The following ZNF804A variants were observed in gnomAD, a reference collection of about 807,000 sequenced individuals.
ZNF804A encodes zinc finger protein 804A.
Under a neutral mutation model 16.5 loss-of-function variants are expected in ZNF804A, and 2 were observed. That is an observed-to-expected ratio of 0.12 (90% CI 0.05 to 0.38). The LOEUF is 0.38. Ranked by LOEUF, ZNF804A falls within the 10% of genes least tolerant of loss-of-function variation. The pLI, the probability that ZNF804A is intolerant of heterozygous loss-of-function variation, is 0.99. For missense variants in ZNF804A, 1,473 were observed against 1,390.7 expected (o/e 1.06, Z -0.94); for synonymous variants, 534 against 489.6 (o/e 1.09, Z -1.20).
Position 184,753,992 on chromosome 2 carries a change from C to A in ZNF804A, c.112-112377C>A, listed in dbSNP as rs371213181. ...CATGGAGAAAACACATTTTATCTGT[C>A]TATATACCCATTCATCTTTCTCACT... On this transcript the variant is annotated intron_variant, in intron 1 of 3. Coordinates refer to ENST00000302277, the MANE Select transcript of ZNF804A (RefSeq NM_194250.2). 1.3e-4 allele frequency among the ~76,000 whole-genome samples: 20 copies of A among 151,924 alleles called. 2 individuals carry two copies. The highest frequency in any genetic ancestry group is 4.6e-4 in the African/African-American group (19 of 41,508).
intron 1 of ZNF804A, among the ~76,000 whole-genome samples, chr2:184,731,651 C>T (rs1367704740): frequency 2.0e-5 from 3 of 149,418 alleles, no homozygotes; most frequent in Non-Finnish European, 4.4e-5. Context: ...CTCACTGCAG[C>T]CTCAACCTCC....
intron 1 of ZNF804A, among the ~76,000 whole-genome samples, chr2:184,664,665 T>C (rs1406628697): frequency 6.6e-6 from 1 of 152,206 alleles, no homozygotes; most frequent in East Asian, 1.9e-4. Context: ...AGCTGCATCA[T>C]GCAGAGAAGA....
intron 2 of ZNF804A, among the ~76,000 whole-genome samples, chr2:184,921,198 G>GACATGGAAC (rs1685523225): frequency 1.3e-5 from 2 of 152,102 alleles, no homozygotes; most frequent in South Asian, 2.1e-4. Flanking sequence ...ATGTAAATAT[G>GACATGGAAC]ACATGGAACT....
intron 1 of ZNF804A, among the ~76,000 whole-genome samples, chr2:184,748,008 G>A (rs971450859): frequency 4.0e-5 from 6 of 150,366 alleles, no homozygotes; most frequent in African/African-American, 1.2e-4. Context: ...ATATGTATAT[G>A]TAACACATTT....
chr2:184,636,452 T>TGTGTGTGA (rs1232918891), intron 1 of ZNF804A, among the ~76,000 whole-genome samples: 1 of 114,292 alleles, frequency 8.7e-6, no homozygotes, highest in Non-Finnish European at 1.8e-5. Context: ...TGTGTGTGTG[T>TGTGTGTGA]GAGAGAGAGA....
At chr2:184,898,930 T>C (rs1372075038) in intron 2 of ZNF804A, among the ~76,000 whole-genome samples, 8 of 152,016 alleles carry the variant, frequency 5.3e-5, no homozygotes, top group Non-Finnish European at 1.5e-5. Context: ...TATGATAATA[T>C]TTACAATTAG....
At chr2:184,673,412 C>A (rs1201641126) in intron 1 of ZNF804A, among the ~76,000 whole-genome samples, 3 of 152,134 alleles carry the variant, frequency 2.0e-5, no homozygotes, top group Non-Finnish European at 2.9e-5. Context: ...TTTACCATAT[C>A]TTGATTATCC....
At chr2:184,798,182 T>C (rs1026209902) in intron 1 of ZNF804A, among the ~76,000 whole-genome samples, 1 of 152,024 alleles carries the variant, frequency 6.6e-6, no homozygotes, top group African/African-American at 2.4e-5. Flanking sequence ...CTTTCCTTCA[T>C]CTTAACTTTA....
chr2:184,794,701 A>C (rs1478217448), intron 1 of ZNF804A, among the ~76,000 whole-genome samples: 1 of 152,176 alleles, frequency 6.6e-6, no homozygotes, highest in African/African-American at 2.4e-5. Flanking sequence ...TCTGCATAAA[A>C]GATACAAAAT....
Position 184,935,800 on chromosome 2 carries a change from C to G in ZNF804A, c.404C>G (p.Pro135Arg). The G allele has an allele frequency of 6.2e-7, 1 of 1,607,498 alleles. No homozygotes were observed. The highest frequency in any genetic ancestry group is 8.5e-7 in the Non-Finnish European group (1 of 1,176,788). The change falls in exon 4 of 4, where the codon CCC (proline) becomes CGC (arginine). Residue 135 changes from proline to arginine, a missense_variant. Coordinates refer to ENST00000302277, the MANE Select transcript of ZNF804A (RefSeq NM_194250.2). ...CTCTCTAGTGCTCCTGGAAGTGGCC[C>G]CATGTTCAAATCAACAACTGTTACT... ...KETVCAPGSG[P>R]MFKSTTVTVR...
chr2:184,621,620 C>CT (rs781133794), intron 1 of ZNF804A, among the ~76,000 whole-genome samples: 6 of 151,644 alleles, frequency 4.0e-5, no homozygotes, highest in South Asian at 4.1e-4. Flanking sequence ...ATACAATGTC[C>CT]TTTTTTTATA....
chr2:184,878,235 CAACA>C, intron 2 of ZNF804A, among the ~76,000 whole-genome samples: 1 of 152,058 alleles, frequency 6.6e-6, no homozygotes, highest in East Asian at 1.9e-4. Flanking sequence ...CTGCTATGGA[CAACA>C]AAGAAATGCA....
intron 1 of ZNF804A, among the ~76,000 whole-genome samples, chr2:184,817,084 C>T (rs377728817): frequency 1.3e-5 from 2 of 151,694 alleles, no homozygotes; most frequent in East Asian, 1.9e-4. Flanking sequence ...GCAAGAAGAC[C>T]AGTAAAACCA....
At chr2:184,901,155 T>C (rs534485705) in intron 2 of ZNF804A, among the ~76,000 whole-genome samples, 1 of 152,256 alleles carries the variant, frequency 6.6e-6, no homozygotes, top group South Asian at 2.1e-4. Context: ...TATAAAACTA[T>C]CTTAATACCT....
intron 1 of ZNF804A, among the ~76,000 whole-genome samples, chr2:184,863,719 T>C (rs1695834008): frequency 1.3e-5 from 2 of 152,196 alleles, no homozygotes; most frequent in African/African-American, 4.8e-5. Flanking sequence ...AATCCCAAAA[T>C]TATTTTCATT....
chr2:184,911,886 A>G (rs2105832300), intron 2 of ZNF804A, among the ~76,000 whole-genome samples: 1 of 151,720 alleles, frequency 6.6e-6, no homozygotes, highest in East Asian at 1.9e-4. Context: ...TTTCCCTTTG[A>G]AAATTTTGTT....
chr2:184,927,912 G>C (rs1460458613), intron 2 of ZNF804A, among the ~76,000 whole-genome samples: 1 of 152,030 alleles, frequency 6.6e-6, no homozygotes, highest in Non-Finnish European at 1.5e-5. Context: ...ATCCAGAAAT[G>C]CCATGCAAAA....
At chr2:184,933,382 A>G (rs978639652) in intron 2 of ZNF804A, among the ~76,000 whole-genome samples, 10 of 152,214 alleles carry the variant, frequency 6.6e-5, no homozygotes, top group African/African-American at 2.4e-4. Flanking sequence ...TGCCTAAGGC[A>G]TAGATATAAA....
Position 184,936,961 on chromosome 2 carries a change from A to G in ZNF804A, c.1565A>G (p.Gln522Arg). ...GGAAGTAGCAAAAATAAATGCAGCC[A>G]AGTCACTCCTCTTTTGGCTGATGAT... The part of the protein sequence containing the change: ...EIGSSKNKCS[Q>R]VTPLLADDIL... The change falls in exon 4 of 4, where the codon CAA becomes CGA. Residue 522 changes from glutamine (Q) to arginine (R), a missense_variant. By Grantham distance (43) the Gln-to-Arg change is conservative. Transcript: ENST00000302277. 6.2e-7 allele frequency: 1 copy of G among 1,613,980 alleles called. No individual in the cohort carries two copies. The highest frequency in any genetic ancestry group is 8.5e-7 in the Non-Finnish European group (1 of 1,179,948).
Sources: gnomAD v4.1 joint callset for allele counts (sites outside exome capture counted in the v4.1 genomes callset) on GRCh38, gnomAD v4.1.1 for gene constraint, MANE v1.5 for transcripts, NCBI Gene and HGNC (gene_info 2026-07-23, HGNC 2026-07-21) for gene names.